The following JAKMIP3 variants were observed in gnomAD, a reference collection of about 807,000 sequenced individuals.
JAKMIP3 encodes Janus kinase and microtubule interacting protein 3, also known as janus kinase and microtubule-interacting protein 3.
Under a neutral mutation model 118.5 loss-of-function variants are expected in JAKMIP3, and 58 were observed. That is an observed-to-expected ratio of 0.49 (90% CI 0.40 to 0.61). The LOEUF is 0.61. Ranked by LOEUF, JAKMIP3 falls within the 20% of genes least tolerant of loss-of-function variation. The pLI, the probability that JAKMIP3 is intolerant of heterozygous loss-of-function variation, is 0.00. For missense variants in JAKMIP3, 950 were observed against 1,109.0 expected, an observed-to-expected ratio of 0.86 and a Z score of 2.04; for synonymous variants, 486 against 451.2, an observed-to-expected ratio of 1.08 and a Z score of -0.98.
chr10:132,039,781 G>GCC (rs1295686113), intron 1 of JAKMIP3, among the ~76,000 whole-genome samples: 1 of 152,234 alleles, frequency 6.6e-6, no homozygotes, highest in African/African-American at 2.4e-5. Flanking sequence ...TCGGCCTCCA[G>GCC]CCGCTGTATT....
At position 132,151,292 on chromosome 10, in the gene JAKMIP3, C is replaced by T. The variant is rs544524029; in HGVS notation, c.2007+1251C>T. ...TTTATCCTTCCACCTATCCACATCCCCTCCCTCCATCCATCCATCTATCCA... is the reference window on the plus strand; with the variant it reads ...TTTATCCTTCCACCTATCCACATCCTCTCCCTCCATCCATCCATCTATCCA... On this transcript the variant is annotated intron_variant, in intron 16 of 23. Transcript: ENST00000684848. 8.9e-4 allele frequency among the ~76,000 whole-genome samples: 136 copies of T among 152,258 alleles called. No homozygotes were observed. In the Middle Eastern group the frequency reaches 0.014, roughly 15 times the overall value.
chr10:132,133,275 C>G, intron 3 of JAKMIP3, 37 bp from the exon 4 acceptor site: 2 of 1,510,462 alleles, frequency 1.3e-6, no homozygotes. Context: ...GATCCGTGTC[C>G]TGCCGCCTGT....
At chr10:132,120,135 C>T (rs1589860441) in intron 3 of JAKMIP3, among the ~76,000 whole-genome samples, 1 of 152,248 alleles carries the variant, frequency 6.6e-6, no homozygotes. Flanking sequence ...CAGAAATCTT[C>T]TCTTGCCTAT....
At chr10:132,057,854 T>C (rs1257848023) in intron 1 of JAKMIP3, among the ~76,000 whole-genome samples, 1 of 152,162 alleles carries the variant, frequency 6.6e-6, no homozygotes, top group East Asian at 1.9e-4. Context: ...TTCTCTGCAG[T>C]GGTTTTGGAT....
intron 1 of JAKMIP3, among the ~76,000 whole-genome samples, chr10:132,042,084 CT>C (rs1019813364): frequency 5.3e-5 from 8 of 151,980 alleles, no homozygotes; most frequent in Non-Finnish European, 1.2e-4. Flanking sequence ...CCAGGCTAGT[CT>C]TGAATCCTGA....
intron 23 of JAKMIP3, among the ~76,000 whole-genome samples, chr10:132,172,509 T>G (rs1202961889): frequency 1.3e-5 from 2 of 152,026 alleles, no homozygotes; most frequent in Non-Finnish European, 2.9e-5. Context: ...GGACGTGCTC[T>G]CCCCCTTCCT....
chr10:132,160,138 G>T (rs1260485718), intron 19 of JAKMIP3, among the ~76,000 whole-genome samples: 1 of 53,108 alleles, frequency 1.9e-5, no homozygotes, highest in Non-Finnish European at 4.0e-5. Flanking sequence ...TGCTGGGGGG[G>T]GTCTCTTCCT....
At chr10:132,164,810 C>T in intron 21 of JAKMIP3, 75 bp downstream of exon 21, 1 of 1,000,454 alleles carries the variant, frequency 1.0e-6, no homozygotes, top group East Asian at 2.4e-5. Flanking sequence ...CGACCTGAGT[C>T]ACTCAGCTCC....
At chr10:132,180,680 CGCGTGTGTGTGCGTGCGTGT>C (rs2061044933) in intron 23 of JAKMIP3, among the ~76,000 whole-genome samples, 2 of 5,944 alleles carry the variant, frequency 3.4e-4, no homozygotes, top group Admixed American at 2.0e-3. Context: ...TGTGTGCGCG[CGCGTGTGTGTGCGTGCGTGT>C]GTGTGTGCGC....
intron 3 of JAKMIP3, among the ~76,000 whole-genome samples, chr10:132,123,878 T>C (rs1776489156): frequency 6.6e-6 from 1 of 152,164 alleles, no homozygotes; most frequent in Non-Finnish European, 1.5e-5. Context: ...AGGGGGTCCC[T>C]GAGGTAAGGC....
chr10:132,047,587 C>T (rs2037954247), intron 1 of JAKMIP3, among the ~76,000 whole-genome samples: 1 of 152,248 alleles, frequency 6.6e-6, no homozygotes, highest in Admixed American at 6.5e-5. Flanking sequence ...CTGTCCTAAT[C>T]CCACAGGTTC....
At chr10:132,158,383 T>C (rs932298557) in intron 19 of JAKMIP3, among the ~76,000 whole-genome samples, 1 of 152,198 alleles carries the variant, frequency 6.6e-6, no homozygotes, top group African/African-American at 2.4e-5. Context: ...CCCATGGGAT[T>C]AGAGATGTAG....
At chr10:132,145,850 T>TC (rs1162049430) in intron 13 of JAKMIP3, among the ~76,000 whole-genome samples, 1 of 152,194 alleles carries the variant, frequency 6.6e-6, no homozygotes, top group Non-Finnish European at 1.5e-5. Flanking sequence ...TCCATTCGTG[T>TC]CCCGTTGTGC....
At chr10:132,057,918 C>T (rs1032219934) in intron 1 of JAKMIP3, among the ~76,000 whole-genome samples, 11 of 152,216 alleles carry the variant, frequency 7.2e-5, no homozygotes, top group Admixed American at 1.3e-4. Flanking sequence ...CACACTGGTG[C>T]GTACGAAGTG....
intron 19 of JAKMIP3, 66 bp from the exon 20 acceptor site, chr10:132,163,143 T>C (rs911192655): frequency 4.4e-5 from 64 of 1,462,348 alleles, no homozygotes; most frequent in Non-Finnish European, 5.5e-5. Context: ...CGGCCTCCGT[T>C]GCCCTTCCTG....
chr10:132,037,679 C>T (rs2037556564), intron 1 of JAKMIP3, among the ~76,000 whole-genome samples: 1 of 152,222 alleles, frequency 6.6e-6, no homozygotes, highest in Non-Finnish European at 1.5e-5. Flanking sequence ...AGTCGGGCTG[C>T]TCTGCTGACC....
At chr10:132,046,410 C>G (rs1461748745) in intron 1 of JAKMIP3, among the ~76,000 whole-genome samples, 3 of 150,950 alleles carry the variant, frequency 2.0e-5, no homozygotes, top group South Asian at 2.1e-4. Flanking sequence ...GAGCCGAGAT[C>G]GCGCCACTGC....
chr10:132,088,301 T>G lies in JAKMIP3; in HGVS notation c.-137-16371T>G, dbSNP rs545587407. The stretch of plus-strand genomic sequence containing the variant: ...TCGCCACTCTGATTTCCACAGTGGT[T>G]GAACTACTTTACAGTCCCACCAACA... On this transcript the variant is annotated intron_variant, in intron 1 of 23. Coordinates refer to ENST00000684848, the MANE Select transcript of JAKMIP3 (RefSeq NM_001323087.2). Among the ~76,000 whole-genome samples the G allele has an allele frequency of 2.2e-3, 339 of 152,318 alleles. 3 individuals are homozygous for G. Among genetic ancestry groups the G allele is most frequent in the African/African-American group, 7.8e-3 (324 of 41,566 alleles).
intron 1 of JAKMIP3, among the ~76,000 whole-genome samples, chr10:132,087,114 A>T (rs150237895): frequency 1.3e-5 from 2 of 152,274 alleles, no homozygotes; most frequent in African/African-American, 4.8e-5. Flanking sequence ...TCTTTCATTT[A>T]TGAAGCTTAG....
Sources: gnomAD v4.1 joint callset for allele counts (sites outside exome capture counted in the v4.1 genomes callset) on GRCh38, gnomAD v4.1.1 for gene constraint, MANE v1.5 for transcripts, NCBI Gene and HGNC (gene_info 2026-07-23, HGNC 2026-07-21) for gene names.